The following SORCS1 variants were observed in gnomAD, a reference collection of about 807,000 sequenced individuals.
SORCS1 encodes sortilin related VPS10 domain containing receptor 1, also known as VPS10 domain-containing receptor SorCS1.
A neutral mutation model predicts 146.1 loss-of-function variants in SORCS1; 60 were observed. That is an observed-to-expected ratio of 0.41 (90% CI 0.33 to 0.51). SORCS1 has a LOEUF of 0.51. Ranked by LOEUF, SORCS1 falls within the 20% of genes least tolerant of loss-of-function variation. SORCS1 has a pLI of 0.21. For synonymous variants in SORCS1, 637 were observed against 584.0 expected (o/e 1.09, Z -1.31); for missense variants, 1,352 against 1,487.6 (o/e 0.91, Z 1.50).
At chr10:106,637,583 C>T (rs190019799) in intron 18 of SORCS1, among the ~76,000 whole-genome samples, 29 of 152,248 alleles carry the variant, frequency 1.9e-4, no homozygotes, top group Admixed American at 3.3e-4. Flanking sequence ...GATGAAGAGT[C>T]GCCAGTGAAG....
At chr10:107,084,252 T>C (rs1255717171) in intron 1 of SORCS1, among the ~76,000 whole-genome samples, 2 of 150,120 alleles carry the variant, frequency 1.3e-5, no homozygotes, top group Admixed American at 6.6e-5. Flanking sequence ...CCCACCACCA[T>C]ACCCGGCTAA....
chr10:106,932,155 T>G (rs1207197936), intron 2 of SORCS1, among the ~76,000 whole-genome samples: 1 of 152,200 alleles, frequency 6.6e-6, no homozygotes, highest in Non-Finnish European at 1.5e-5. Flanking sequence ...TGAATTTTTA[T>G]CCCCTTCCAT....
At chr10:107,083,292 C>A (rs1015887922) in intron 1 of SORCS1, among the ~76,000 whole-genome samples, 1 of 152,030 alleles carries the variant, frequency 6.6e-6, no homozygotes. Flanking sequence ...AGAATAAAAT[C>A]TAAAGCAACA....
At chr10:106,587,478 A>G (rs532731724) in intron 24 of SORCS1, among the ~76,000 whole-genome samples, 20 of 152,364 alleles carry the variant, frequency 1.3e-4, no homozygotes, top group African/African-American at 4.1e-4. Context: ...TCTCCCTTCA[A>G]GTGGAAAGTC....
chr10:106,725,425 C>T (rs1338550614), intron 6 of SORCS1, among the ~76,000 whole-genome samples: 3 of 151,666 alleles, frequency 2.0e-5, no homozygotes, highest in Admixed American at 1.3e-4. Context: ...GTGGCGGGCA[C>T]CTATAATCCC....
At chr10:107,146,874 A>G (rs1264525444) in intron 1 of SORCS1, among the ~76,000 whole-genome samples, 4 of 152,120 alleles carry the variant, frequency 2.6e-5, no homozygotes, top group Non-Finnish European at 5.9e-5. Flanking sequence ...TTCCTATTGT[A>G]CTGGGAATAG....
intron 2 of SORCS1, among the ~76,000 whole-genome samples, chr10:106,829,875 A>G (rs1052071243): frequency 3.9e-5 from 6 of 152,220 alleles, no homozygotes; most frequent in African/African-American, 4.8e-5. Flanking sequence ...GGTAAAAATT[A>G]AAACTCCATC....
At chr10:107,025,699 T>C (rs993857336) in intron 1 of SORCS1, among the ~76,000 whole-genome samples, 3 of 152,230 alleles carry the variant, frequency 2.0e-5, no homozygotes, top group South Asian at 2.1e-4. Flanking sequence ...TAAATTCAGA[T>C]GGTCAGGCAA....
intron 1 of SORCS1, among the ~76,000 whole-genome samples, chr10:107,115,606 A>G (rs984695549): frequency 1.3e-5 from 2 of 152,084 alleles, no homozygotes; most frequent in African/African-American, 4.8e-5. Context: ...CTCAAAATGG[A>G]TTAAAAACTT....
At chr10:106,652,907 T>G (rs896749438) in intron 17 of SORCS1, among the ~76,000 whole-genome samples, 1 of 152,150 alleles carries the variant, frequency 6.6e-6, no homozygotes, top group African/African-American at 2.4e-5. Flanking sequence ...TAGGAGATAA[T>G]TCAAAGGCTA....
chr10:107,006,447 G>A (rs1564917198), intron 1 of SORCS1, among the ~76,000 whole-genome samples: 1 of 152,148 alleles, frequency 6.6e-6, no homozygotes, highest in Non-Finnish European at 1.5e-5. Flanking sequence ...ACCCCAGAAG[G>A]GTAATAAGTA....
At chr10:106,828,958 T>C (rs1031136458) in intron 3 of SORCS1, among the ~76,000 whole-genome samples, 2 of 152,166 alleles carry the variant, frequency 1.3e-5, no homozygotes, top group Admixed American at 6.5e-5. Flanking sequence ...CCTCTGAATC[T>C]CAGTTTTCTT....
chr10:106,869,626 T>C (rs1950335939), intron 2 of SORCS1, among the ~76,000 whole-genome samples: 2 of 152,148 alleles, frequency 1.3e-5, no homozygotes, highest in African/African-American at 2.4e-5. Flanking sequence ...GAAAAGACTT[T>C]TGGTAAAATT....
At chr10:107,169,789 C>T in the SORCS1 span, among the ~76,000 whole-genome samples, 9 of 152,132 alleles carry the variant, frequency 5.9e-5, no homozygotes, top group African/African-American at 2.2e-4. Context: ...GTCTTTTTAT[C>T]CTTTTCCCCC....
At chr10:106,907,798 G>A (rs566182660) in intron 2 of SORCS1, among the ~76,000 whole-genome samples, 71 of 151,638 alleles carry the variant, frequency 4.7e-4, no homozygotes, top group South Asian at 3.8e-3. Flanking sequence ...ATGGTGGTGC[G>A]CACCTATAGT....
chr10:106,894,976 T>C (rs1026890572), intron 2 of SORCS1, among the ~76,000 whole-genome samples: 12 of 152,306 alleles, frequency 7.9e-5, no homozygotes, highest in African/African-American at 2.9e-4. Context: ...CCCCAACATA[T>C]TAGCTTTTTT....
chr10:106,760,070 C>T (rs1858962185), intron 5 of SORCS1, among the ~76,000 whole-genome samples: 1 of 152,064 alleles, frequency 6.6e-6, no homozygotes, highest in African/African-American at 2.4e-5. Flanking sequence ...ATGGTATTTG[C>T]AAATAGGGCC....
intron 1 of SORCS1, among the ~76,000 whole-genome samples, chr10:107,159,230 A>G (rs755173823): frequency 6.6e-6 from 1 of 152,190 alleles, no homozygotes; most frequent in Non-Finnish European, 1.5e-5. Context: ...TTACAGGTCA[A>G]GGGTATAGGT....
chr10:106,979,027 G>A (rs1049319986), intron 1 of SORCS1, among the ~76,000 whole-genome samples: 10 of 152,290 alleles, frequency 6.6e-5, no homozygotes, highest in African/African-American at 1.9e-4. Flanking sequence ...ATAAGTGGTA[G>A]AGAAGACATT....
Sources: gnomAD v4.1 joint callset for allele counts (sites outside exome capture counted in the v4.1 genomes callset) on GRCh38, gnomAD v4.1.1 for gene constraint, MANE v1.5 for transcripts, NCBI Gene and HGNC (gene_info 2026-07-23, HGNC 2026-07-21) for gene names.